Variants in MIB2 observed in about 807,000 individuals in gnomAD.
MIB2 encodes E3 ubiquitin-protein ligase MIB2.
MIB2 carries 78 observed loss-of-function variants against 96.6 expected under a neutral mutation model. That is an observed-to-expected ratio of 0.81 (90% CI 0.67 to 0.97). MIB2 has a LOEUF of 0.97. Ranked by LOEUF, MIB2 falls within the 50% of genes least tolerant of loss-of-function variation. The probability of loss-of-function intolerance (pLI) is 0.00; values close to 1 mark genes in which losing one functional copy is unlikely to be tolerated. For missense variants in MIB2, 1,543 were observed against 1,424.0 expected (o/e 1.08, Z -1.35); for synonymous variants, 820 against 629.5 (o/e 1.30, Z -4.53).
At chr1:1,617,242 C>G (rs1643831131) in intron 2 of MIB2, 1 of 152,558 alleles carries the variant, frequency 6.6e-6, no homozygotes, top group Non-Finnish European at 1.5e-5. Context: ...GCTGGAGGTG[C>G]AAGGAGGAGG....
upstream of MIB2, chr1:1,614,867 T>G (rs531961243): frequency 6.6e-6 from 1 of 152,574 alleles, no homozygotes; most frequent in South Asian, 2.0e-4. Flanking sequence ...ATGCAAAAAT[T>G]AGCTGTGCGT....
rs1415321606 is a variant in MIB2 at position 1,628,597 on chromosome 1, A to C, written c.2077A>C (p.Ser693Arg). 6.2e-7 allele frequency: 1 copy of C among 1,600,816 alleles called. No homozygotes were observed. Among genetic ancestry groups the C allele is most frequent in the Non-Finnish European group, 8.5e-7 (1 of 1,177,788 alleles). ...GCCGCTACTGGTGGACGCTGGGTGC[A>C]GTGTCAACGCCGAGGACGAGGAGGG... ...LVPLLVDAGC[S>R]VNAEDEEGDT... Residue 693 changes from serine (S) to arginine (R), a missense_variant, in exon 16 of 20, where the codon AGT becomes CGT. Coordinates refer to ENST00000355826, the MANE Select transcript of MIB2 (RefSeq NM_001170687.4).
Position 1,625,751 on chromosome 1 carries a change from G to A in MIB2, c.972+98G>A. The A allele has an allele frequency of 4.0e-6, 4 of 994,006 alleles. No individual in the cohort carries two copies. Among genetic ancestry groups the A allele is most frequent in the Non-Finnish European group, 6.0e-6 (4 of 661,272 alleles). The allele number at this position is 994,006 out of a possible 1,614,324, so 61.6% of individuals were successfully genotyped here. A position where few individuals can be genotyped will look rare whatever the true frequency, so the allele number is the denominator to read the frequency against. ...GGGGTCAGGCAGGACTAGGGTGCCA[G>A]CTGCACCCACGAGTCCCCAGCCCTG... On this transcript the variant is annotated intron_variant, in intron 8 of 19. Transcript: ENST00000355826. This position sits in a 1 kb window ranked among gnomAD's most constrained non-coding sequence, Gnocchi z 5.0.
At chr1:1,614,386 G>C (rs1643420933), upstream of MIB2, 1 of 152,222 alleles carries the variant, frequency 6.6e-6, no homozygotes, top group African/African-American at 2.4e-5. Context: ...CAAGGACGTC[G>C]GCCTGGTAAG....
chr1:1,628,220 C>T (rs766898795), intron 14 of MIB2, 41 bp downstream of exon 14: 1 of 1,612,188 alleles, frequency 6.2e-7, no homozygotes, highest in African/African-American at 1.3e-5. Flanking sequence ...CGGCCTCTTG[C>T]TGTGCTGCCT....
intron 2 of MIB2, among the ~76,000 whole-genome samples, chr1:1,620,943 C>A (rs1433119122): frequency 6.6e-6 from 1 of 152,214 alleles, no homozygotes; most frequent in African/African-American, 2.4e-5. Context: ...CTGGGCTGGC[C>A]GGTGGAACTG....
rs1233964629 is a variant in MIB2, at chr1:1,625,444, G to A, written c.864+16G>A. The A allele has an allele frequency of 8.3e-6, 13 of 1,562,888 alleles. No homozygotes were observed. Among genetic ancestry groups the A allele is most frequent in the Middle Eastern group, 1.7e-4 (1 of 5,884 alleles). ...GATGGCGGAGGTGAGCCGCCCCGCC[G>A]TGGAGCCCTGTGTGCCCTGCCCTCC... On this transcript the variant is annotated intron_variant, in intron 7 of 19. Coordinates refer to ENST00000355826, the MANE Select transcript of MIB2 (RefSeq NM_001170687.4). The surrounding 1 kb of genome is among the most constrained non-coding windows in gnomAD (Gnocchi z 5.0).
intron 2 of MIB2, among the ~76,000 whole-genome samples, chr1:1,620,423 C>T (rs377163578): frequency 2.0e-5 from 3 of 152,336 alleles, no homozygotes; most frequent in Admixed American, 6.5e-5. Flanking sequence ...GTGATGAGCC[C>T]TGCTCTGGCT....
In MIB2 at chr1:1,623,789, A is replaced by T. The variant is rs762603644; in HGVS notation, c.263A>T (p.Asn88Ile). The T allele has an allele frequency of 2.5e-6, 4 of 1,605,350 alleles. No homozygotes were observed. Among genetic ancestry groups the T allele is most frequent in the Non-Finnish European group, 3.4e-6 (4 of 1,176,714 alleles). Residue 88 changes from asparagine to isoleucine, a missense_variant, in exon 4 of 20, where the codon AAC (asparagine) becomes ATC (isoleucine). Coordinates refer to ENST00000355826, the MANE Select transcript of MIB2 (RefSeq NM_001170687.4). ...CCACCCCCAGGCGTCCGGCACCCCA[A>T]CATCATCTGTGACTGCTGCAAGAAG... ...DNAQIGVRHP[N>I]IICDCCKKHG...
chr1:1,624,165 C>T, intron 4 of MIB2: 1 of 590,878 alleles, frequency 1.7e-6, no homozygotes, highest in African/African-American at 1.9e-5. Flanking sequence ...GCCAGCATCC[C>T]CCAGGGCGGC....
upstream of MIB2, chr1:1,615,432 T>C (rs1406179741): frequency 1.3e-6 from 2 of 1,495,622 alleles, no homozygotes; most frequent in Non-Finnish European, 1.8e-6. Flanking sequence ...GTGCTTGCCC[T>C]GCCCATCCCC....
intron 1 of MIB2, chr1:1,616,018 C>T: frequency 1.0e-6 from 1 of 984,616 alleles, no homozygotes. Flanking sequence ...CCGGGACAGA[C>T]CGACAGACGG....
chr1:1,615,646 G>T lies in MIB2; in HGVS notation c.-130+13G>T, dbSNP rs1206035548. ...CTCTCGGCTGATGGTGCGTGCGGGC[G>T]CGGATCTCCTCCCCTGGTCCTCCGC... is the stretch of plus-strand genomic sequence containing the variant. On this transcript the variant is annotated intron_variant, in intron 1 of 19. Transcript: ENST00000355826. 1.9e-6 allele frequency: 3 copies of T among 1,574,972 alleles called. No homozygotes were observed. Among genetic ancestry groups the T allele is most frequent in the Admixed American group, 1.8e-5 (1 of 56,830 alleles).
rs1443877600 is a variant in MIB2 at position 1,615,512 on chromosome 1, C to T, written c.-251C>T. The stretch of plus-strand genomic sequence containing the variant: ...GCCCTGGGCTCCCGCCCTTCGGGTC[C>T]CACAGTTTCCAGCCGCCGCTCTCCT... On this transcript the variant is annotated 5_prime_UTR_variant, in exon 1 of 20. Coordinates refer to ENST00000355826, the MANE Select transcript of MIB2 (RefSeq NM_001170687.4). 7 of 1,530,056 alleles carry T rather than the reference C, an allele frequency of 4.6e-6. No individual in the cohort carries two copies. The East Asian group carries it at 1.5e-4, about 33-fold the overall frequency. 94.8% of individuals were successfully genotyped at this position (1,530,056 alleles called of 1,614,324 possible). A position where few individuals can be genotyped will look rare whatever the true frequency, so the allele number is the denominator to read the frequency against.
At position 1,626,184 on chromosome 1, in the gene MIB2, T is replaced by C. The variant is rs1050274104; in HGVS notation, c.973-466T>C. ...TCAGCTCTGGATCTGGGGTCCTGGA[T>C]ACCAGGCACCTTTGAGGAGGCGCCG... On this transcript the variant is annotated intron_variant, in intron 8 of 19. Transcript: ENST00000355826. The surrounding 1 kb of genome is among the most constrained non-coding windows in gnomAD (Gnocchi z 5.3). 1.0e-5 allele frequency: 2 copies of C among 193,464 alleles called. No homozygotes were observed. The highest frequency in any genetic ancestry group is 2.1e-5 in the Non-Finnish European group (2 of 94,368). The allele number at this position is 193,464 out of a possible 1,614,324, so 12.0% of individuals were successfully genotyped here. A position where few individuals can be genotyped will look rare whatever the true frequency, so the allele number is the denominator to read the frequency against.
intron 1 of MIB2, 33 bp downstream of exon 1, chr1:1,615,666 C>G (rs777291753): frequency 6.4e-7 from 1 of 1,551,394 alleles, no homozygotes; most frequent in Non-Finnish European, 8.7e-7. Flanking sequence ...TCCCCTGGTC[C>G]TCCGCACCGT....
rs1357304282 is a variant in MIB2, at chr1:1,623,614, G to A, written c.162G>A (p.Val54=). The change falls in exon 3 of 20, where the codon GTG becomes GTA. Residue 54 remains valine, a synonymous_variant. Coordinates refer to ENST00000355826, the MANE Select transcript of MIB2 (RefSeq NM_001170687.4). ...SPSTPDRTVV[V]QWDQGTRTNY... The stretch of plus-strand genomic sequence containing the variant: ...CGACACCCGACCGCACAGTGGTCGT[G>A]CAGTGGGACCAGGGCACGCGCACCA... The A allele has an allele frequency of 2.0e-6, 3 of 1,494,950 alleles. 1 individual carries two copies. The highest frequency in any genetic ancestry group is 2.7e-6 in the Non-Finnish European group (3 of 1,120,856). The allele number at this position is 1,494,950 out of a possible 1,614,324, so 92.6% of individuals were successfully genotyped here.
Position 1,615,791 on chromosome 1 carries a change from TGCGCGCGCA to T in MIB2, c.-130+163_-130+171del, listed in dbSNP as rs958250316. On this transcript the variant is annotated intron_variant, in intron 1 of 19. Coordinates refer to ENST00000355826, the MANE Select transcript of MIB2 (RefSeq NM_001170687.4). ...GGGTCCGCACGGGATGGGCTGGGGC[TGCGCGCGCA>T]GCGCCGCCGCGGGGCCTCCTGGGAG... is the stretch of plus-strand genomic sequence containing the variant. The T allele has an allele frequency of 4.5e-6, 6 of 1,325,844 alleles. No homozygotes were observed. The African/African-American group carries it at 7.8e-5, about 17-fold the overall frequency. 82.1% of individuals were successfully genotyped at this position (1,325,844 alleles called of 1,614,324 possible). A position where few individuals can be genotyped will look rare whatever the true frequency, so the allele number is the denominator to read the frequency against.
At chr1:1,621,144 A>G (rs1644225272) in intron 2 of MIB2, among the ~76,000 whole-genome samples, 1 of 152,220 alleles carries the variant, frequency 6.6e-6, no homozygotes, top group Admixed American at 6.5e-5. Flanking sequence ...TCCTGGCCAA[A>G]CAGGACGCAG....
Sources: gnomAD v4.1 joint callset for allele counts (sites outside exome capture counted in the v4.1 genomes callset) on GRCh38, gnomAD v4.1.1 for gene constraint, Gnocchi (gnomAD v3.1) non-coding constraint, MANE v1.5 for transcripts, NCBI Gene and HGNC (gene_info 2026-07-23, HGNC 2026-07-21) for gene names.